TNC: variants seen among roughly 807,000 people sequenced by gnomAD.
TNC encodes the protein tenascin.
In TNC, 109 loss-of-function variants were observed where a neutral mutation model predicts 202.4. The ratio of observed to expected loss-of-function variants is 0.54; its 90% CI spans 0.46 to 0.63. The LOEUF is 0.63. Among genes scored for constraint, TNC ranks in the 30% least tolerant of loss-of-function variants. TNC has a pLI of 0.00. For missense variants in TNC, 2,756 were observed against 2,833.3 expected (o/e 0.97, Z 0.62); for synonymous variants, 1,007 against 1,089.7 (o/e 0.92, Z 1.50).
Position 115,082,779 on chromosome 9 carries a change from G to C in TNC, c.2160C>G (p.Phe720Leu), listed in dbSNP as rs1332061772. The change falls in exon 5 of 28, where the codon TTC becomes TTG. Residue 720 changes from phenylalanine (F) to leucine (L), a missense_variant. Coordinates refer to ENST00000350763, the MANE Select transcript of TNC (RefSeq NM_002160.4). ...CCACAGATGTCTCCTTGATGGACTT[G>C]AATTTCAGGCCTTCAGGTGCAGGTA... ...TYLPAPEGLKFKSIKETSVEV... is the reference protein window; with the variant it reads ...TYLPAPEGLKLKSIKETSVEV... 6.2e-7 allele frequency: 1 copy of C among 1,613,952 alleles called. No homozygotes were observed. Among genetic ancestry groups the C allele is most frequent in the African/African-American group, 1.3e-5 (1 of 74,928 alleles).
chr9:115,083,791 G>A (rs1834493460), intron 4 of TNC, among the ~76,000 whole-genome samples: 2 of 152,084 alleles, frequency 1.3e-5, no homozygotes, highest in Non-Finnish European at 2.9e-5. Flanking sequence ...TTTTAGTAGA[G>A]ACAGGGTTTC....
At chr9:115,087,736 C>T (rs1834903715) in intron 2 of TNC, among the ~76,000 whole-genome samples, 1 of 130,570 alleles carries the variant, frequency 7.7e-6, no homozygotes, top group African/African-American at 3.0e-5. Flanking sequence ...GAGTCTTGCT[C>T]TGTCGCCCAG....
intron 15 of TNC, among the ~76,000 whole-genome samples, chr9:115,051,085 G>A (rs12349585): frequency 0.11 from 16,052 of 152,162 alleles, 915 homozygotes; most frequent in Middle Eastern, 0.17. Context: ...TAATGAAAAG[G>A]AAGAGACTTC....
At chr9:115,067,250 C>A (rs993691301) in intron 10 of TNC, among the ~76,000 whole-genome samples, 7 of 152,288 alleles carry the variant, frequency 4.6e-5, no homozygotes, top group Admixed American at 2.6e-4. Context: ...TTCAGCAGTC[C>A]TGATACAGAA....
chr9:115,102,673 T>A (rs1299297956), intron 1 of TNC, among the ~76,000 whole-genome samples: 1 of 152,232 alleles, frequency 6.6e-6, no homozygotes, highest in Non-Finnish European at 1.5e-5. Flanking sequence ...TAACTCCTTC[T>A]CTTAGGAAAT....
At chr9:115,053,837 A>G (rs1480801257) in intron 15 of TNC, among the ~76,000 whole-genome samples, 1 of 152,246 alleles carries the variant, frequency 6.6e-6, no homozygotes, top group Admixed American at 6.5e-5. Context: ...AAGGTGAAAG[A>G]AAAACTTGAA....
Position 115,026,707 on chromosome 9 carries a change from A to C in TNC, c.6170-12T>G. The stretch of plus-strand genomic sequence containing the variant: ...CAGGTTGTCCAGCCCTGTGGATGAC[A>C]GGCAAGGGTTGCTAAGAAGCACAGG... On this transcript the variant is annotated splice_polypyrimidine_tract_variant and intron_variant, in intron 25 of 27. Transcript: ENST00000350763. 6.2e-7 allele frequency: 1 copy of C among 1,613,032 alleles called. No individual in the cohort carries two copies. The highest frequency in any genetic ancestry group is 8.5e-7 in the Non-Finnish European group (1 of 1,179,546).
intron 15 of TNC, among the ~76,000 whole-genome samples, chr9:115,050,847 C>G (rs112184469): frequency 2.6e-5 from 4 of 152,140 alleles, no homozygotes; most frequent in Non-Finnish European, 5.9e-5. Flanking sequence ...AGGGTTCAAA[C>G]AAGTTAAGAA....
At chr9:115,102,060 T>G (rs1235901558) in intron 1 of TNC, among the ~76,000 whole-genome samples, 2 of 152,188 alleles carry the variant, frequency 1.3e-5, no homozygotes, top group East Asian at 3.8e-4. Context: ...CATACAATTA[T>G]GAGATAGTAT....
At chr9:115,038,973 G>A (rs1830538744) in intron 19 of TNC, among the ~76,000 whole-genome samples, 3 of 152,222 alleles carry the variant, frequency 2.0e-5, no homozygotes, top group African/African-American at 4.8e-5. Flanking sequence ...GATTGCAGGT[G>A]TGCACCACCA....
At position 115,076,514 on chromosome 9, in the gene TNC, T is replaced by C. The variant is rs369249701; in HGVS notation, c.2736A>G (p.Glu912=). ...VSQTDNSITL[E]WRNGKAAIDS... ...CAATAGCTGCCTTGCCATTCCTCCA[T>C]TCCAGGGTGATGCTGTTATCTGTCT... is the stretch of plus-strand genomic sequence containing the variant. Residue 912 remains glutamate (E), a synonymous_variant, in exon 8 of 28, where the codon GAA becomes GAG. Transcript: ENST00000350763. The C allele has an allele frequency of 2.5e-6, 4 of 1,614,110 alleles. No individual in the cohort carries two copies. The South Asian group carries it at 3.3e-5, about 13-fold the overall frequency.
rs971252651 is a variant in TNC at position 115,046,558 on chromosome 9, C to A, written c.4977G>T (p.Lys1659Asn). The A allele has an allele frequency of 1.7e-5, 27 of 1,614,112 alleles. No individual in the cohort carries two copies. Among genetic ancestry groups the A allele is most frequent in the Non-Finnish European group, 2.3e-5 (27 of 1,180,000 alleles). The stretch of plus-strand genomic sequence containing the variant: ...GGGTTATTTCCAGTGGCTCAGACTG[C>A]TTTTTGGTATCTCTGATTTTGAGAA... ...NFVLKIRDTK[K>N]QSEPLEITLL... is the part of the protein sequence containing the mutation. Residue 1659 changes from lysine (K) to asparagine (N), a missense_variant, in exon 17 of 28, where the codon AAG becomes AAT. Lys to Asn is a moderately conservative substitution (Grantham distance 94). This residue lies in a region of TNC where 2,559 missense variants were observed against 2,546.0 expected (regional missense o/e 1.01). Coordinates refer to ENST00000350763, the MANE Select transcript of TNC (RefSeq NM_002160.4).
In TNC at chr9:115,048,399, G is replaced by A; in HGVS notation, c.4713C>T (p.Asp1571=). ...TTCCTGAAAGTGTGAATTCCTGGGG[G>A]TCCAGCAGCTTCCCAGAATCCACCA... The part of the protein sequence containing the change: ...VTVVDSGKLL[D]PQEFTLSGTQ... Residue 1571 remains aspartate (D), a synonymous_variant, in exon 16 of 28, where the codon GAC becomes GAT. Coordinates refer to ENST00000350763, the MANE Select transcript of TNC (RefSeq NM_002160.4). 5.0e-6 allele frequency: 8 copies of A among 1,614,036 alleles called. No individual in the cohort carries two copies. Among genetic ancestry groups the A allele is most frequent in the Non-Finnish European group, 6.8e-6 (8 of 1,179,966 alleles).
chr9:115,051,241 T>C (rs377753391), intron 15 of TNC, among the ~76,000 whole-genome samples: 3 of 152,224 alleles, frequency 2.0e-5, no homozygotes, highest in South Asian at 4.1e-4. Flanking sequence ...GTTGAGTGAA[T>C]GGGTAGGGCT....
intron 1 of TNC, among the ~76,000 whole-genome samples, chr9:115,096,246 A>G (rs1057495668): frequency 1.3e-5 from 2 of 152,220 alleles, no homozygotes; most frequent in Non-Finnish European, 2.9e-5. Flanking sequence ...TTAAAAAGAG[A>G]TAAAACACTT....
intron 15 of TNC, among the ~76,000 whole-genome samples, chr9:115,052,271 C>T (rs1246534779): frequency 6.6e-6 from 1 of 151,700 alleles, no homozygotes; most frequent in African/African-American, 2.4e-5. Flanking sequence ...CATAGAAGCA[C>T]AGAGAAGACT....
In TNC at chr9:115,021,118, C is replaced by T; in HGVS notation, c.*39G>A. 1 of 1,513,274 alleles carries T rather than the reference C, an allele frequency of 6.6e-7. No homozygotes were observed. The highest frequency in any genetic ancestry group is 9.2e-7 in the Non-Finnish European group (1 of 1,089,464). 93.7% of individuals were successfully genotyped at this position (1,513,274 alleles called of 1,614,324 possible). ...GCTTTGGTAAAATCCTTTCCTCGCT[C>T]TGGGCCTTATTCCTCTCTCACCCAG... On this transcript the variant is annotated 3_prime_UTR_variant, in exon 28 of 28. Coordinates refer to ENST00000350763, the MANE Select transcript of TNC (RefSeq NM_002160.4).
Position 115,019,965 on chromosome 9 carries a change from A to G in TNC, c.*1192T>C, listed in dbSNP as rs774402321. The G allele has an allele frequency of 6.6e-6, 1 of 152,182 alleles. No homozygotes were observed. Among genetic ancestry groups the G allele is most frequent in the Non-Finnish European group, 1.5e-5 (1 of 68,030 alleles). 9.4% of individuals were successfully genotyped at this position (152,182 alleles called of 1,614,324 possible). A position where few individuals can be genotyped will look rare whatever the true frequency, so the allele number is the denominator to read the frequency against. ...TGCATTAGAAAATGAGTATAAAAGCATCTTTTAAACCATAATCTATTAGTC... is the reference window on the plus strand; with the variant it reads ...TGCATTAGAAAATGAGTATAAAAGCGTCTTTTAAACCATAATCTATTAGTC... On this transcript the variant is annotated 3_prime_UTR_variant, in exon 28 of 28. Coordinates refer to ENST00000350763, the MANE Select transcript of TNC (RefSeq NM_002160.4).
chr9:115,075,012 T>TA (rs942551979), intron 9 of TNC, among the ~76,000 whole-genome samples: 13 of 151,190 alleles, frequency 8.6e-5, no homozygotes, highest in South Asian at 6.3e-4. Flanking sequence ...ATCAAAAGAT[T>TA]AAAAAAAAAG....
Sources: allele counts gnomAD v4.1 joint callset (sites outside exome capture counted in the v4.1 genomes callset), GRCh38; gene constraint gnomAD v4.1.1; regional missense constraint gnomAD v4.1.1; transcripts MANE v1.5; gene names NCBI Gene and HGNC (gene_info 2026-07-23, HGNC 2026-07-21).